Variants in SV2C observed in about 807,000 individuals in gnomAD.
The protein encoded by SV2C is solute carrier family 22 member B3.
In SV2C, 49 loss-of-function variants were observed where a neutral mutation model predicts 79.7. That is an observed-to-expected ratio of 0.61 (90% CI 0.49 to 0.78). The LOEUF (loss-of-function observed/expected upper bound fraction) is 0.78, where lower values mean the gene tolerates loss of function less well. SV2C is among the 30% of genes least tolerant of loss of function. The pLI, the probability that SV2C is intolerant of heterozygous loss-of-function variation, is 0.00. For synonymous variants in SV2C, 334 were observed against 333.2 expected (o/e 1.00, Z -0.03); for missense variants, 833 against 912.9 (o/e 0.91, Z 1.13).
At chr5:76,048,965 G>GAGAAAGAAAGAAAGAAAA in the SV2C span, among the ~76,000 whole-genome samples, 1 of 58,164 alleles carries the variant, frequency 1.7e-5, no homozygotes, top group East Asian at 7.7e-4. Context: ...GAAAGAAAAA[G>GAGAAAGAAAGAAAGAAAA]AGAAAGAAAG....
chr5:76,053,222 T>G, the SV2C span, among the ~76,000 whole-genome samples: 4 of 152,146 alleles, frequency 2.6e-5, no homozygotes, highest in Non-Finnish European at 5.9e-5. Context: ...TTGTTCCAAG[T>G]GTCATTTGTC....
chr5:75,888,355 G>T, the SV2C span, among the ~76,000 whole-genome samples: 10 of 147,804 alleles, frequency 6.8e-5, no homozygotes, highest in Non-Finnish European at 1.3e-4. Flanking sequence ...TTTTTTTTTT[G>T]AAATAAAATC....
chr5:76,343,004 G>C (rs246820), intron 12 of SV2C, among the ~76,000 whole-genome samples: 1 of 151,624 alleles, frequency 6.6e-6, no homozygotes, highest in Non-Finnish European at 1.5e-5. Flanking sequence ...GATTATAGGC[G>C]TGAGGCACCG....
At chr5:76,080,258 A>C (rs1339443150), upstream of SV2C, among the ~76,000 whole-genome samples, 1 of 152,162 alleles carries the variant, frequency 6.6e-6, no homozygotes, top group Non-Finnish European at 1.5e-5. Context: ...AGAGACAAAA[A>C]ATAGTTTTGA....
At chr5:75,848,732 G>A in the SV2C span, among the ~76,000 whole-genome samples, 2 of 152,098 alleles carry the variant, frequency 1.3e-5, no homozygotes, top group Admixed American at 1.3e-4. Flanking sequence ...AGAGGAGGTG[G>A]TAAGTCTGAG....
At chr5:76,223,861 A>T (rs1326551283) in intron 4 of SV2C, among the ~76,000 whole-genome samples, 3 of 151,916 alleles carry the variant, frequency 2.0e-5, no homozygotes, top group East Asian at 3.9e-4. Flanking sequence ...CAAGATTAAC[A>T]TGTCGGCTGA....
chr5:75,984,598 C>CCTACCTAT, the SV2C span, among the ~76,000 whole-genome samples: 8 of 82,428 alleles, frequency 9.7e-5, no homozygotes, highest in African/African-American at 2.4e-4. Flanking sequence ...TATCTATCTA[C>CCTACCTAT]CTATCTATCT....
At chr5:76,063,308 C>T in the SV2C span, among the ~76,000 whole-genome samples, 100 of 152,224 alleles carry the variant, frequency 6.6e-4, no homozygotes, top group Non-Finnish European at 1.2e-3. Context: ...TCCTCATTTT[C>T]CTTGCGGCAA....
the SV2C span, among the ~76,000 whole-genome samples, chr5:76,017,726 T>A: frequency 6.6e-6 from 1 of 152,190 alleles, no homozygotes; most frequent in Admixed American, 6.6e-5. Context: ...CATCTTTTCC[T>A]GTTGGGGTGG....
At chr5:75,865,778 C>T in the SV2C span, among the ~76,000 whole-genome samples, 4 of 152,176 alleles carry the variant, frequency 2.6e-5, no homozygotes, top group Admixed American at 6.5e-5. Flanking sequence ...CCACGTAGAA[C>T]GTTAATGCCC....
chr5:76,296,505 C>T (rs1005373342), intron 9 of SV2C, among the ~76,000 whole-genome samples: 4 of 152,188 alleles, frequency 2.6e-5, no homozygotes, highest in African/African-American at 9.7e-5. Flanking sequence ...ATCTGAAATA[C>T]TTCTTGATGA....
At position 76,233,580 on chromosome 5, in the gene SV2C, C is replaced by A. The variant is rs1579969644; in HGVS notation, c.913+23693C>A. ...AGTATGATATTTGCTGTGGGTTTGT[C>A]ATAGATAGCTCTTATTATTTTGAAA... On this transcript the variant is annotated intron_variant, in intron 4 of 12. Transcript: ENST00000502798. Among the ~76,000 whole-genome samples, 3 of 148,104 alleles carry A rather than the reference C, an allele frequency of 2.0e-5. No homozygotes were observed. In the South Asian group the frequency reaches 6.3e-4, roughly 31 times the overall value.
the SV2C span, among the ~76,000 whole-genome samples, chr5:75,874,624 T>C: frequency 6.6e-6 from 1 of 152,124 alleles, no homozygotes; most frequent in Non-Finnish European, 1.5e-5. Flanking sequence ...CAATCTCTGT[T>C]TGCAGAGGGC....
At chr5:76,010,004 T>A in the SV2C span, among the ~76,000 whole-genome samples, 1 of 148,956 alleles carries the variant, frequency 6.7e-6, no homozygotes, top group Non-Finnish European at 1.5e-5. Context: ...TTTTTTTTTT[T>A]TTTTTTTTTG....
intron 4 of SV2C, among the ~76,000 whole-genome samples, chr5:76,273,813 A>G (rs1410254174): frequency 6.6e-6 from 1 of 152,178 alleles, no homozygotes; most frequent in Non-Finnish European, 1.5e-5. Flanking sequence ...ATGCATGATT[A>G]TGTGCTGCAG....
the SV2C span, among the ~76,000 whole-genome samples, chr5:75,957,969 C>T: frequency 6.6e-6 from 1 of 151,984 alleles, no homozygotes; most frequent in African/African-American, 2.4e-5. Flanking sequence ...TGTCAGATAA[C>T]TTGGAAGGCT....
In SV2C at chr5:76,126,256, G is replaced by A. The variant is rs544605397; in HGVS notation, c.-101-5394G>A. Among the ~76,000 whole-genome samples the A allele has an allele frequency of 8.6e-4, 131 of 152,250 alleles. 1 individual carries two copies. Among genetic ancestry groups the A allele is most frequent in the African/African-American group, 2.9e-3 (119 of 41,562 alleles). On this transcript the variant is annotated intron_variant, in intron 1 of 12. Coordinates refer to ENST00000502798, the MANE Select transcript of SV2C (RefSeq NM_014979.4). ...GGCTAAGCAATAAAGAAAGGAAATC[G>A]TTTCATGAAAGAAGTGATTTTTGAA...
chr5:76,008,851 T>G, the SV2C span, among the ~76,000 whole-genome samples: 13 of 152,142 alleles, frequency 8.5e-5, no homozygotes, highest in African/African-American at 2.7e-4. Flanking sequence ...GCCTATTAGC[T>G]CCCGTGACCT....
chr5:75,983,034 G>T, the SV2C span, among the ~76,000 whole-genome samples: 1 of 152,056 alleles, frequency 6.6e-6, no homozygotes, highest in African/African-American at 2.4e-5. Flanking sequence ...CTTAATATTT[G>T]GGTGATGAAA....
Sources: allele counts gnomAD v4.1 joint callset (sites outside exome capture counted in the v4.1 genomes callset), GRCh38; gene constraint gnomAD v4.1.1; transcripts MANE v1.5; gene names NCBI Gene and HGNC (gene_info 2026-07-23, HGNC 2026-07-21).